ZNF385D: variants seen among roughly 807,000 people sequenced by gnomAD.
ZNF385D encodes the protein zinc finger protein 385D, also known as zinc finger protein 659.
In ZNF385D, 15 loss-of-function variants were observed where a neutral mutation model predicts 35.8. The ratio of observed to expected loss-of-function variants is 0.42; its 90% confidence interval spans 0.28 to 0.64. The LOEUF (loss-of-function observed/expected upper bound fraction) is 0.64, where lower values mean the gene tolerates loss of function less well. Among genes scored for constraint, ZNF385D ranks in the 30% least tolerant of loss-of-function variants. The pLI, the probability that ZNF385D is intolerant of heterozygous loss-of-function variation, is 0.23. For missense variants in ZNF385D, 474 were observed against 494.6 expected, an observed-to-expected ratio of 0.96 and a Z score of 0.39; for synonymous variants, 212 against 186.8, an observed-to-expected ratio of 1.13 and a Z score of -1.10.
At chr3:22,279,394 T>A (rs1701600109) in intron 2 of ZNF385D, among the ~76,000 whole-genome samples, 1 of 151,848 alleles carries the variant, frequency 6.6e-6, no homozygotes, top group South Asian at 2.1e-4. Context: ...TCACTTAGAA[T>A]GATGGTTTCC....
chr3:21,954,853 A>T (rs1297477191), intron 3 of ZNF385D, among the ~76,000 whole-genome samples: 1 of 152,042 alleles, frequency 6.6e-6, no homozygotes, highest in Admixed American at 6.6e-5. Context: ...GCAACCACTG[A>T]AAGTGAAGCT....
At chr3:22,125,500 G>C (rs1576362280) in intron 3 of ZNF385D, among the ~76,000 whole-genome samples, 1 of 151,996 alleles carries the variant, frequency 6.6e-6, no homozygotes, top group African/African-American at 2.4e-5. Flanking sequence ...GGATTGCTTT[G>C]AATAGTATGA....
At chr3:21,848,065 G>A (rs559880076) in intron 3 of ZNF385D, among the ~76,000 whole-genome samples, 1 of 151,916 alleles carries the variant, frequency 6.6e-6, no homozygotes, top group African/African-American at 2.4e-5. Flanking sequence ...CCTTATATAA[G>A]TGAATTATTC....
chr3:21,595,416 A>T (rs970577437), intron 2 of ZNF385D, among the ~76,000 whole-genome samples: 1 of 150,486 alleles, frequency 6.6e-6, no homozygotes, highest in Admixed American at 6.7e-5. Flanking sequence ...TATACAACAT[A>T]TGCTTTATAT....
At chr3:22,351,575 T>A (rs904838360) in intron 2 of ZNF385D, among the ~76,000 whole-genome samples, 1 of 152,176 alleles carries the variant, frequency 6.6e-6, no homozygotes, top group African/African-American at 2.4e-5. Flanking sequence ...ACACTTGCTA[T>A]AACTACAAAT....
intron 2 of ZNF385D, among the ~76,000 whole-genome samples, chr3:21,641,551 C>T (rs1478657693): frequency 6.6e-6 from 1 of 150,950 alleles, no homozygotes; most frequent in Admixed American, 6.6e-5. Flanking sequence ...TCTCTCCGTT[C>T]TCTCTATTAA....
chr3:22,150,485 A>G (rs1039458875), intron 3 of ZNF385D, among the ~76,000 whole-genome samples: 1 of 152,108 alleles, frequency 6.6e-6, no homozygotes, highest in African/African-American at 2.4e-5. Flanking sequence ...ATCAACAATT[A>G]ATAGTGGGAA....
intron 3 of ZNF385D, among the ~76,000 whole-genome samples, chr3:21,809,661 T>TATACACATACAC (rs2072819033): frequency 6.7e-6 from 1 of 148,160 alleles, no homozygotes; most frequent in Non-Finnish European, 1.5e-5. Context: ...CATATACATA[T>TATACACATACAC]ATACACATAT....
At chr3:21,477,448 C>G (rs147208455) in intron 4 of ZNF385D, among the ~76,000 whole-genome samples, 2 of 151,916 alleles carry the variant, frequency 1.3e-5, no homozygotes, top group African/African-American at 4.8e-5. Flanking sequence ...TAATAAACAT[C>G]AAAAACATAC....
Position 21,939,550 on chromosome 3 carries a change from A to G in ZNF385D, c.325+229267T>C, listed in dbSNP as rs1237279908. Among the ~76,000 whole-genome samples, 3 of 152,356 alleles carry G rather than the reference A, an allele frequency of 2.0e-5. No homozygotes were observed. The East Asian group carries it at 5.8e-4, about 29-fold the overall frequency. On this transcript the variant is annotated intron_variant, in intron 3 of 5. Coordinates refer to the ZNF385D transcript ENST00000494108. ...TGTATTTTAAAACAATAATCATTCA[A>G]TCAAGCCCTGTTGAGCTCCTAAATA...
At chr3:22,123,565 T>A (rs1703224331) in intron 3 of ZNF385D, among the ~76,000 whole-genome samples, 1 of 152,100 alleles carries the variant, frequency 6.6e-6, no homozygotes, top group Non-Finnish European at 1.5e-5. Context: ...CAACAAAAAA[T>A]TATTGCTGAC....
intron 4 of ZNF385D, among the ~76,000 whole-genome samples, chr3:21,467,083 T>A (rs970174759): frequency 6.6e-6 from 1 of 152,216 alleles, no homozygotes; most frequent in African/African-American, 2.4e-5. Context: ...GTAGGTAGTT[T>A]ATTTCATTAA....
intron 3 of ZNF385D, among the ~76,000 whole-genome samples, chr3:21,766,311 T>C (rs2070828633): frequency 6.6e-6 from 1 of 152,136 alleles, no homozygotes; most frequent in African/African-American, 2.4e-5. Context: ...TCAAACGTTT[T>C]ATTATTAGAG....
intron 3 of ZNF385D, among the ~76,000 whole-genome samples, chr3:22,094,462 T>C (rs1701509579): frequency 9.3e-6 from 1 of 107,128 alleles, no homozygotes; most frequent in Non-Finnish European, 2.2e-5. Context: ...CAGACAGACT[T>C]AGAAATGCCA....
At chr3:21,771,363 C>T (rs895164918) in intron 3 of ZNF385D, among the ~76,000 whole-genome samples, 1 of 151,524 alleles carries the variant, frequency 6.6e-6, no homozygotes, top group African/African-American at 2.4e-5. Context: ...ACAGAAAGCC[C>T]TGGGGAAAGG....
chr3:22,113,527 T>A (rs1384430273), intron 3 of ZNF385D, among the ~76,000 whole-genome samples: 1 of 152,054 alleles, frequency 6.6e-6, no homozygotes, highest in Non-Finnish European at 1.5e-5. Flanking sequence ...ATAAACATAT[T>A]TGTGTAAGTA....
At chr3:21,778,864 T>G (rs1036695513) in intron 3 of ZNF385D, among the ~76,000 whole-genome samples, 1 of 151,842 alleles carries the variant, frequency 6.6e-6, no homozygotes, top group African/African-American at 2.4e-5. Flanking sequence ...TGAAACAAAA[T>G]CACTGTCTGG....
At chr3:21,622,628 A>G (rs2065037509) in intron 2 of ZNF385D, among the ~76,000 whole-genome samples, 1 of 152,136 alleles carries the variant, frequency 6.6e-6, no homozygotes, top group African/African-American at 2.4e-5. Context: ...GAAAGTGTTC[A>G]TACATGTCAA....
intron 3 of ZNF385D, chr3:21,958,719 T>C (rs983606150): frequency 6.6e-6 from 1 of 152,074 alleles, no homozygotes; most frequent in African/African-American, 2.4e-5. Context: ...ACAATTGAAA[T>C]AAAAATTCAA....
Sources: allele counts gnomAD v4.1 joint callset (sites outside exome capture counted in the v4.1 genomes callset), GRCh38; gene constraint gnomAD v4.1.1; transcripts MANE v1.5; gene names NCBI Gene and HGNC (gene_info 2026-07-23, HGNC 2026-07-21).